LRRC7: variants seen among roughly 807,000 people sequenced by gnomAD.
LRRC7 encodes leucine-rich repeat-containing protein 7.
A neutral mutation model predicts 175.7 loss-of-function variants in LRRC7; 23 were observed. That is an observed-to-expected ratio of 0.13 (90% CI 0.09 to 0.19). LRRC7 has a LOEUF of 0.19. Among genes scored for constraint, LRRC7 ranks in the 10% least tolerant of loss-of-function variants. LRRC7 has a pLI of 1.00. For missense variants in LRRC7, 1,354 were observed against 1,904.7 expected (o/e 0.71, Z 5.38); for synonymous variants, 685 against 680.9 (o/e 1.01, Z -0.09).
chr1:69,912,420 G>A (rs1011904738), intron 7 of LRRC7, among the ~76,000 whole-genome samples: 6 of 152,066 alleles, frequency 3.9e-5, no homozygotes, highest in African/African-American at 1.4e-4. Flanking sequence ...CTCTTCATAA[G>A]CATATAATAT....
At chr1:69,781,938 A>AAGAACGAAAGAG (rs748855273) in intron 3 of LRRC7, among the ~76,000 whole-genome samples, 1 of 122,964 alleles carries the variant, frequency 8.1e-6, no homozygotes. Flanking sequence ...GAAAGAAAGA[A>AAGAACGAAAGAG]AGAGAAAAGA....
At chr1:70,004,881 G>A (rs1655864481) in intron 11 of LRRC7, among the ~76,000 whole-genome samples, 1 of 152,006 alleles carries the variant, frequency 6.6e-6, no homozygotes. Flanking sequence ...AGAGTCATCT[G>A]AAATTTACCT....
rs1311119826 is a variant in LRRC7, at chr1:69,647,085, CA to C, written c.3-31293del. Among the ~76,000 whole-genome samples the C allele has an allele frequency of 5.3e-5, 8 of 152,202 alleles. No individual in the cohort carries two copies. In the East Asian group the frequency reaches 1.5e-3, roughly 29 times the overall value. ...CCCCACTAGAAATGTATTATGGGCA[CA>C]AACCAAAAGATTCCTGCTATTAATG... is the stretch of plus-strand genomic sequence containing the variant. On this transcript the variant is annotated intron_variant, in intron 1 of 26. Coordinates refer to ENST00000651989, the MANE Select transcript of LRRC7 (RefSeq NM_001370785.2).
chr1:69,813,723 G>C (rs1678240627), intron 4 of LRRC7, among the ~76,000 whole-genome samples: 1 of 152,026 alleles, frequency 6.6e-6, no homozygotes, highest in East Asian at 1.9e-4. Context: ...TAATAAGCTT[G>C]GGTCTCCAGG....
Position 70,044,099 on chromosome 1 carries a change from G to T in LRRC7, c.4110+5G>T. 1.9e-6 allele frequency: 3 copies of T among 1,612,076 alleles called. No homozygotes were observed. Among genetic ancestry groups the T allele is most frequent in the Non-Finnish European group, 2.5e-6 (3 of 1,178,990 alleles). ...CAAGAACTACCTCTTCAGAAAGTAA[G>T]TATGGACTGCCCTACATGTGTCAGC... is the stretch of plus-strand genomic sequence containing the variant. On this transcript the variant is annotated splice_donor_5th_base_variant and intron_variant, in intron 22 of 26. Coordinates refer to ENST00000651989, the MANE Select transcript of LRRC7 (RefSeq NM_001370785.2).
chr1:69,828,005 T>A (rs2101265600), intron 5 of LRRC7, among the ~76,000 whole-genome samples: 1 of 152,292 alleles, frequency 6.6e-6, no homozygotes, highest in East Asian at 1.9e-4. Flanking sequence ...TGCTTTGTCT[T>A]TTTCAAAATG....
intron 1 of LRRC7, among the ~76,000 whole-genome samples, chr1:69,569,590 C>CG (rs1317123756): frequency 6.7e-6 from 1 of 148,358 alleles, no homozygotes; most frequent in African/African-American, 2.5e-5. Flanking sequence ...AGAATGGGGG[C>CG]GGGGGTTGGG....
At chr1:69,910,099 C>T (rs538043907) in intron 7 of LRRC7, among the ~76,000 whole-genome samples, 128 of 152,270 alleles carry the variant, frequency 8.4e-4, no homozygotes, top group Middle Eastern at 3.4e-3. Flanking sequence ...ACGTAGTTCT[C>T]GAGCCTTGGC....
chr1:69,846,442 C>T (rs553825666), intron 7 of LRRC7, among the ~76,000 whole-genome samples: 1 of 151,928 alleles, frequency 6.6e-6, no homozygotes, highest in African/African-American at 2.4e-5. Context: ...GATTAGTTTA[C>T]CAAAAGATAA....
intron 8 of LRRC7, among the ~76,000 whole-genome samples, chr1:69,960,784 A>G (rs948832676): frequency 1.4e-5 from 2 of 143,864 alleles, no homozygotes; most frequent in Non-Finnish European, 3.0e-5. Context: ...ACATCTCTTT[A>G]TGTTAAAAAA....
intron 7 of LRRC7, among the ~76,000 whole-genome samples, chr1:69,850,456 CA>C (rs753630119): frequency 1.3e-5 from 2 of 152,028 alleles, no homozygotes; most frequent in Non-Finnish European, 2.9e-5. Flanking sequence ...TTACAATGAA[CA>C]GTCTGACTTC....
chr1:69,597,415 T>A (rs527441297), intron 1 of LRRC7, among the ~76,000 whole-genome samples: 2 of 152,304 alleles, frequency 1.3e-5, no homozygotes, highest in South Asian at 4.1e-4. Context: ...GACCTTAATA[T>A]GTTGCCTAAA....
intron 1 of LRRC7, among the ~76,000 whole-genome samples, chr1:69,672,706 T>A (rs1341359520): frequency 6.6e-6 from 1 of 152,218 alleles, no homozygotes. Flanking sequence ...CTATTTCAAC[T>A]AGATTTTCAT....
chr1:69,949,975 C>T (rs1649748344), intron 8 of LRRC7, among the ~76,000 whole-genome samples: 1 of 121,764 alleles, frequency 8.2e-6, no homozygotes, highest in South Asian at 2.6e-4. Flanking sequence ...GCATTTATGG[C>T]CTCTTTATTT....
In LRRC7 at chr1:69,994,764, A is replaced by G. The variant is rs1654769759; in HGVS notation, c.1004+131A>G. On this transcript the variant is annotated intron_variant, in intron 11 of 26. Coordinates refer to ENST00000651989, the MANE Select transcript of LRRC7 (RefSeq NM_001370785.2). ...CTGTTCATCTGTCAGCTTATTTTAA[A>G]CCATATTTTATTTATATATATTTGT... The G allele has an allele frequency of 7.4e-6, 4 of 541,376 alleles. No homozygotes were observed. The South Asian group carries it at 9.3e-5, about 13-fold the overall frequency. 33.5% of individuals were successfully genotyped at this position (541,376 alleles called of 1,614,324 possible).
At chr1:69,725,952 C>T (rs1666932549) in intron 2 of LRRC7, among the ~76,000 whole-genome samples, 1 of 152,190 alleles carries the variant, frequency 6.6e-6, no homozygotes, top group Non-Finnish European at 1.5e-5. Context: ...TGGACCCTAC[C>T]TGTAGCCTAG....
chr1:69,753,388 A>G (rs1436833068), intron 2 of LRRC7, among the ~76,000 whole-genome samples: 2 of 151,664 alleles, frequency 1.3e-5, no homozygotes, highest in Non-Finnish European at 2.9e-5. Context: ...AAATATTGCT[A>G]TCAAGGTAAT....
intron 7 of LRRC7, among the ~76,000 whole-genome samples, chr1:69,907,887 G>A (rs1646375551): frequency 6.6e-6 from 1 of 151,828 alleles, no homozygotes; most frequent in South Asian, 2.1e-4. Flanking sequence ...AATCCATCTG[G>A]TCCTGGACTC....
At chr1:69,934,361 G>A (rs1647724585) in intron 8 of LRRC7, among the ~76,000 whole-genome samples, 3 of 151,952 alleles carry the variant, frequency 2.0e-5, no homozygotes. Context: ...AAGATTCAGA[G>A]TAGAAATATC....
Sources: gnomAD v4.1 joint callset for allele counts (sites outside exome capture counted in the v4.1 genomes callset) on GRCh38, gnomAD v4.1.1 for gene constraint, MANE v1.5 for transcripts, NCBI Gene and HGNC (gene_info 2026-07-23, HGNC 2026-07-21) for gene names.